Variants in MTOR observed in about 807,000 individuals in gnomAD.
The protein encoded by MTOR is serine/threonine-protein kinase mTOR.
Under a neutral mutation model 319.8 loss-of-function variants are expected in MTOR, and 70 were observed. The ratio of observed to expected loss-of-function variants is 0.22; its 90% CI spans 0.18 to 0.27. The LOEUF is 0.27. MTOR is among the 10% of genes least tolerant of loss of function. The probability of loss-of-function intolerance (pLI) is 1.00; values close to 1 mark genes in which losing one functional copy is unlikely to be tolerated. For missense variants in MTOR, 1,890 were observed against 3,274.4 expected (o/e 0.58, Z 10.32); for synonymous variants, 1,183 against 1,211.4 (o/e 0.98, Z 0.49).
At chr1:11,208,224 T>C (rs567341118) in intron 25 of MTOR, among the ~76,000 whole-genome samples, 1 of 152,306 alleles carries the variant, frequency 6.6e-6, no homozygotes, top group South Asian at 2.1e-4. Flanking sequence ...AGAGTAGCAG[T>C]TACAAAATCC....
intron 2 of MTOR, 122 bp downstream of exon 2, chr1:11,259,126 C>T (rs574586702): frequency 8.1e-7 from 1 of 1,234,830 alleles, no homozygotes; most frequent in African/African-American, 1.6e-5. Context: ...AGGTTGGGTG[C>T]CTTTATAAAA....
At chr1:11,200,350 C>T (rs1347212294) in intron 26 of MTOR, among the ~76,000 whole-genome samples, 1 of 152,070 alleles carries the variant, frequency 6.6e-6, no homozygotes, top group African/African-American at 2.4e-5. Context: ...GATCCAAATC[C>T]TTAAGTTCTA....
chr1:11,189,189 C>A (rs1006689371), intron 28 of MTOR, among the ~76,000 whole-genome samples: 1 of 152,120 alleles, frequency 6.6e-6, no homozygotes, highest in Non-Finnish European at 1.5e-5. Context: ...AAAGACTCGC[C>A]CCATCTCCCT....
At chr1:11,142,383 G>A (rs1643754831) in intron 34 of MTOR, among the ~76,000 whole-genome samples, 1 of 152,132 alleles carries the variant, frequency 6.6e-6, no homozygotes. Flanking sequence ...CTGCCTCCCA[G>A]GTCCAAGCGA....
chr1:11,221,831 A>C (rs1364952167), intron 19 of MTOR, among the ~76,000 whole-genome samples: 5 of 146,902 alleles, frequency 3.4e-5, no homozygotes, highest in Non-Finnish European at 5.9e-5. Flanking sequence ...CACAAGTAGT[A>C]AAGTAAATGA....
intron 28 of MTOR, chr1:11,189,715 T>C (rs759368562): frequency 1.4e-5 from 22 of 1,613,966 alleles, no homozygotes; most frequent in African/African-American, 1.3e-5. Context: ...GGCCAACTGC[T>C]GTGAGGAGGT....
intron 28 of MTOR, among the ~76,000 whole-genome samples, chr1:11,169,003 A>C (rs1183156250): frequency 6.6e-6 from 1 of 152,248 alleles, no homozygotes; most frequent in Non-Finnish European, 1.5e-5. Context: ...TGGTTTAATG[A>C]GCAAGGATCC....
intron 11 of MTOR, 134 bp from the exon 12 acceptor site, chr1:11,238,751 T>C (rs1647545903): frequency 1.4e-6 from 1 of 694,460 alleles, no homozygotes; most frequent in Non-Finnish European, 2.4e-6. Context: ...AATACGATAC[T>C]GACCCGGAAC....
intron 6 of MTOR, among the ~76,000 whole-genome samples, chr1:11,252,412 C>T (rs183765857): frequency 6.6e-6 from 1 of 152,208 alleles, no homozygotes; most frequent in Admixed American, 6.5e-5. Context: ...GCTGAAATTG[C>T]AGGTGTGGGC....
chr1:11,116,981 A>T, intron 50 of MTOR, 23 bp downstream of exon 50: 2 of 1,580,724 alleles, frequency 1.3e-6, no homozygotes, highest in Non-Finnish European at 1.7e-6. Context: ...AGAAGACTAA[A>T]AAAACCAAAT....
chr1:11,233,569 A>G, intron 14 of MTOR, 82 bp from the exon 15 acceptor site: 1 of 1,047,374 alleles, frequency 9.5e-7, no homozygotes, highest in South Asian at 1.3e-5. Context: ...AATTCACCCA[A>G]GAGACCATCT....
intron 46 of MTOR, among the ~76,000 whole-genome samples, chr1:11,125,456 C>T (rs1050768245): frequency 7.9e-5 from 12 of 152,108 alleles, no homozygotes; most frequent in African/African-American, 1.2e-4. Context: ...TGAGGCTGGG[C>T]GCGGTGGCTC....
intron 28 of MTOR, among the ~76,000 whole-genome samples, chr1:11,179,910 T>C (rs982608271): frequency 6.6e-6 from 1 of 152,208 alleles, no homozygotes; most frequent in Non-Finnish European, 1.5e-5. Flanking sequence ...AAGTTTGGAA[T>C]GTGGTTTTTT....
chr1:11,237,012 T>C (rs1444369720), intron 13 of MTOR, among the ~76,000 whole-genome samples: 1 of 152,234 alleles, frequency 6.6e-6, no homozygotes, highest in Non-Finnish European at 1.5e-5. Flanking sequence ...AACATTTCTC[T>C]AGAGTGAGTT....
At chr1:11,171,334 G>A (rs891727332) in intron 28 of MTOR, among the ~76,000 whole-genome samples, 5 of 151,764 alleles carry the variant, frequency 3.3e-5, no homozygotes, top group Admixed American at 6.6e-5. Context: ...CCAGGCTGAA[G>A]TTCAGTGGCA....
intron 6 of MTOR, among the ~76,000 whole-genome samples, chr1:11,252,308 A>T (rs979980474): frequency 6.6e-6 from 1 of 151,470 alleles, no homozygotes; most frequent in Non-Finnish European, 1.5e-5. Context: ...AGTTAAAAAA[A>T]TTTTTTTGTA....
chr1:11,143,808 ATAGG>A (rs1230261219), intron 34 of MTOR: 4 of 152,156 alleles, frequency 2.6e-5, no homozygotes, highest in African/African-American at 9.7e-5. Flanking sequence ...ATGGATTATG[ATAGG>A]TAGGGAGACA....
chr1:11,165,360 A>C (rs1027439616), intron 29 of MTOR, among the ~76,000 whole-genome samples: 2 of 152,228 alleles, frequency 1.3e-5, no homozygotes, highest in Non-Finnish European at 2.9e-5. Context: ...ATCTCAGCCC[A>C]AAATCTCCTT....
At position 11,127,182 on chromosome 1, in the gene MTOR, G is replaced by T; in HGVS notation, c.6217-38C>A. ...GCAGGCACGTTTTCAAGTTATCAAA[G>T]TCTCAACCAACCCAGGAGGCAAAAT... On this transcript the variant is annotated intron_variant, in intron 44 of 57. Coordinates refer to ENST00000361445, the MANE Select transcript of MTOR (RefSeq NM_004958.4). This position sits in a 1 kb window ranked among gnomAD's most constrained non-coding sequence, Gnocchi z 5.5. 2 of 1,611,788 alleles carry T rather than the reference G, an allele frequency of 1.2e-6. No individual in the cohort carries two copies. Among genetic ancestry groups the T allele is most frequent in the Non-Finnish European group, 1.7e-6 (2 of 1,179,346 alleles).
Sources: gnomAD v4.1 joint callset for allele counts (sites outside exome capture counted in the v4.1 genomes callset) on GRCh38, gnomAD v4.1.1 for gene constraint, Gnocchi (gnomAD v3.1) non-coding constraint, MANE v1.5 for transcripts, NCBI Gene and HGNC (gene_info 2026-07-23, HGNC 2026-07-21) for gene names.